ELL2: variants seen among roughly 807,000 people sequenced by gnomAD.
ELL2 encodes the protein RNA polymerase II elongation factor ELL2.
ELL2 carries 21 observed loss-of-function variants against 72.8 expected under a neutral mutation model. The ratio of observed to expected loss-of-function variants is 0.29; its 90% CI spans 0.20 to 0.42. ELL2 has a LOEUF of 0.42. Ranked by LOEUF, ELL2 falls within the 10% of genes least tolerant of loss-of-function variation. The pLI, the probability that ELL2 is intolerant of heterozygous loss-of-function variation, is 1.00. For synonymous variants in ELL2, 266 were observed against 283.2 expected, an observed-to-expected ratio of 0.94 and a Z score of 0.61; for missense variants, 568 against 772.8, an observed-to-expected ratio of 0.73 and a Z score of 3.14.
intron 2 of ELL2, among the ~76,000 whole-genome samples, chr5:95,939,759 A>T (rs1459168154): frequency 6.6e-6 from 1 of 152,240 alleles, no homozygotes; most frequent in African/African-American, 2.4e-5. Context: ...CCAGATCAGT[A>T]GATACAACTA....
Position 95,932,826 on chromosome 5 carries a change from T to C in ELL2, c.195+10176A>G, listed in dbSNP as rs188774617. 6 of 152,168 alleles carry C rather than the reference T, an allele frequency of 3.9e-5. No homozygotes were observed. In the East Asian group the frequency reaches 1.2e-3, roughly 29 times the overall value. 9.4% of individuals were successfully genotyped at this position (152,168 alleles called of 1,614,324 possible). On this transcript the variant is annotated intron_variant, in intron 2 of 11. Transcript: ENST00000237853. ...TATGTAAAAAGTTATATAAATAGAA[T>C]AATTATTTTTAAAAGTTAGAGAAAT...
At chr5:95,941,202 C>A (rs1487394789) in intron 2 of ELL2, among the ~76,000 whole-genome samples, 2 of 152,128 alleles carry the variant, frequency 1.3e-5, no homozygotes, top group Non-Finnish European at 2.9e-5. Context: ...AATTCAAACA[C>A]CCATTAAGAT....
rs773622142 is a variant in ELL2 at position 95,898,618 on chromosome 5, G to T, written c.1147C>A (p.Leu383Met). 3 of 1,613,522 alleles carry T rather than the reference G, an allele frequency of 1.9e-6. No homozygotes were observed. Among genetic ancestry groups the T allele is most frequent in the South Asian group, 1.1e-5 (1 of 91,026 alleles). Reference protein sequence around the residue: ...PTPPPLPSTYLPISHPPQIVN... With the variant: ...PTPPPLPSTYMPISHPPQIVN... ...ATCTGAGGAGGATGTGAGATGGGCAGATAGGTTGAAGGCAGCGGTGGAGGG... is the reference window on the plus strand; with the variant it reads ...ATCTGAGGAGGATGTGAGATGGGCATATAGGTTGAAGGCAGCGGTGGAGGG... Residue 383 changes from leucine to methionine, a missense_variant, in exon 8 of 12, where the codon CTG becomes ATG. Transcript: ENST00000237853.
Position 95,886,069 on chromosome 5 carries a change from T to C in ELL2, c.*2802A>G, listed in dbSNP as rs1403672291. 1 of 152,164 alleles carries C rather than the reference T, an allele frequency of 6.6e-6. No homozygotes were observed. The highest frequency in any genetic ancestry group is 2.4e-5 in the African/African-American group (1 of 41,432). The allele number at this position is 152,164 out of a possible 1,614,324, so 9.4% of individuals were successfully genotyped here. On this transcript the variant is annotated 3_prime_UTR_variant, in exon 12 of 12. Coordinates refer to ENST00000237853, the MANE Select transcript of ELL2 (RefSeq NM_012081.6). ...TTAGATGAAATGTGATAGAAAAAAC[T>C]ATACAACTCATTCTCTAATCTTGCT...
intron 1 of ELL2, among the ~76,000 whole-genome samples, chr5:95,959,330 G>A (rs1231127509): frequency 6.6e-6 from 1 of 152,126 alleles, no homozygotes; most frequent in Non-Finnish European, 1.5e-5. Context: ...TGCTCCTCGG[G>A]TCTGCTCCTG....
At chr5:95,937,560 AT>A (rs548768116) in intron 2 of ELL2, among the ~76,000 whole-genome samples, 1 of 152,150 alleles carries the variant, frequency 6.6e-6, no homozygotes, top group Middle Eastern at 3.4e-3. Context: ...AAAAACTAAA[AT>A]TTTTTTAACA....
rs761020029 is a variant in ELL2, at chr5:95,901,052, G to A, written c.770C>T (p.Ser257Leu). Reference protein sequence around the residue: ...QVANLNSKDLSYTLKDYVFKE... With the variant: ...QVANLNSKDLLYTLKDYVFKE... ...AAAAACATAATCCTTTAAGGTATAT[G>A]AGAGGTCCTTAGAATTCAGATTGGC... Residue 257 changes from serine (S) to leucine (L), a missense_variant, in exon 6 of 12, where the codon TCA becomes TTA. By Grantham distance (145) the Ser-to-Leu change is moderately radical (BLOSUM62 -2). Coordinates refer to ENST00000237853, the MANE Select transcript of ELL2 (RefSeq NM_012081.6). 6 of 1,609,680 alleles carry A rather than the reference G, an allele frequency of 3.7e-6. No homozygotes were observed. Among genetic ancestry groups the A allele is most frequent in the Non-Finnish European group, 4.2e-6 (5 of 1,178,962 alleles).
chr5:95,894,382 A>C (rs1748788658), intron 9 of ELL2, among the ~76,000 whole-genome samples: 1 of 152,268 alleles, frequency 6.6e-6, no homozygotes, highest in Non-Finnish European at 1.5e-5. Flanking sequence ...TATTATAAAA[A>C]AGAATTCAAA....
intron 1 of ELL2, among the ~76,000 whole-genome samples, chr5:95,952,511 G>T (rs1751455514): frequency 6.6e-6 from 1 of 152,022 alleles, no homozygotes; most frequent in African/African-American, 2.4e-5. Context: ...TATCAACAAA[G>T]GAGAGGATCT....
intron 3 of ELL2, among the ~76,000 whole-genome samples, chr5:95,917,038 T>A (rs1749838050): frequency 6.6e-6 from 1 of 152,218 alleles, no homozygotes; most frequent in Admixed American, 6.5e-5. Context: ...TCTTCACTCA[T>A]CCCTTCTCAA....
chr5:95,949,727 AAATAT>A (rs1751304643), intron 1 of ELL2, among the ~76,000 whole-genome samples: 1 of 152,152 alleles, frequency 6.6e-6, no homozygotes, highest in Non-Finnish European at 1.5e-5. Flanking sequence ...TTCCAATGTC[AAATAT>A]AATTTTGGAA....
chr5:95,927,424 T>TAC lies in ELL2; in HGVS notation c.196-7881_196-7880dup, dbSNP rs749526931. On this transcript the variant is annotated intron_variant, in intron 2 of 11. Coordinates refer to ENST00000237853, the MANE Select transcript of ELL2 (RefSeq NM_012081.6). ...ATACACACACGTGTGTATATAGACA[T>TAC]ACACACACACGTGTGTATATAGACA... Among the ~76,000 whole-genome samples, 10 of 37,278 alleles carry TAC rather than the reference T, an allele frequency of 2.7e-4. 2 individuals are homozygous for TAC. In the East Asian group the frequency reaches 9.1e-3, roughly 34 times the overall value. The allele number at this position is 37,278 out of a possible 152,430, so 24.5% of individuals were successfully genotyped here. A position where few individuals can be genotyped will look rare whatever the true frequency, so the allele number is the denominator to read the frequency against.
chr5:95,950,904 G>GTATATATA (rs869036736), intron 1 of ELL2, among the ~76,000 whole-genome samples: 83 of 46,552 alleles, frequency 1.8e-3, no homozygotes, highest in East Asian at 4.4e-3. Flanking sequence ...GTATGTATGT[G>GTATATATA]TATATATATA....
At chr5:95,901,721 G>A (rs1749151138) in intron 5 of ELL2, among the ~76,000 whole-genome samples, 1 of 152,174 alleles carries the variant, frequency 6.6e-6, no homozygotes, top group Non-Finnish European at 1.5e-5. Flanking sequence ...GACTAATGGG[G>A]GACATACAGA....
Position 95,913,944 on chromosome 5 carries a change from A to C in ELL2, c.318-10T>G. ...CTGGGAGGCTCCAGAGCTGTCAAGT[A>C]AGTCAGTGGCTTTGTTAGACATGAC... On this transcript the variant is annotated splice_polypyrimidine_tract_variant and intron_variant, in intron 3 of 11. Coordinates refer to ENST00000237853, the MANE Select transcript of ELL2 (RefSeq NM_012081.6). 6.3e-7 allele frequency: 1 copy of C among 1,578,550 alleles called. No homozygotes were observed. Among genetic ancestry groups the C allele is most frequent in the Non-Finnish European group, 8.6e-7 (1 of 1,164,894 alleles).
intron 1 of ELL2, among the ~76,000 whole-genome samples, chr5:95,952,646 C>T (rs1424093421): frequency 6.6e-6 from 1 of 152,036 alleles, no homozygotes; most frequent in Non-Finnish European, 1.5e-5. Flanking sequence ...AGAAAAACTC[C>T]TAAAAGGGTA....
chr5:95,919,407 C>T lies in ELL2; in HGVS notation c.317+17G>A, dbSNP rs776014603. On this transcript the variant is annotated intron_variant, in intron 3 of 11. Transcript: ENST00000237853. Reference sequence around the variant, plus strand: ...TAAAAAATTTTTCCCCTTCAGTGTACCTTGAAAAGTACTTACCTGGAGAAT... The same window carrying T: ...TAAAAAATTTTTCCCCTTCAGTGTATCTTGAAAAGTACTTACCTGGAGAAT... 6.4e-7 allele frequency: 1 copy of T among 1,574,664 alleles called. No homozygotes were observed. The highest frequency in any genetic ancestry group is 2.3e-5 in the East Asian group (1 of 42,868).
At chr5:95,923,494 A>G (rs966739925) in intron 2 of ELL2, among the ~76,000 whole-genome samples, 3 of 152,322 alleles carry the variant, frequency 2.0e-5, no homozygotes, top group South Asian at 2.1e-4. Context: ...AATAGTGTTC[A>G]CTTTGGGACC....
intron 1 of ELL2, among the ~76,000 whole-genome samples, chr5:95,950,244 C>T (rs901773945): frequency 2.6e-5 from 4 of 152,122 alleles, no homozygotes; most frequent in Non-Finnish European, 5.9e-5. Flanking sequence ...CTTTCTTTCC[C>T]CCTATGCTAT....
Sources: gnomAD v4.1 joint callset for allele counts (sites outside exome capture counted in the v4.1 genomes callset) on GRCh38, gnomAD v4.1.1 for gene constraint, MANE v1.5 for transcripts, NCBI Gene and HGNC (gene_info 2026-07-23, HGNC 2026-07-21) for gene names.